The following ZNF83 variants were observed in gnomAD, a reference collection of about 807,000 sequenced individuals.
ZNF83 encodes the protein zinc finger protein 816B.
For synonymous variants in ZNF83, 209 were observed against 213.0 expected, an observed-to-expected ratio of 0.98 and a Z score of 0.17; for missense variants, 552 against 629.9, an observed-to-expected ratio of 0.88 and a Z score of 1.32.
chr19:52,645,846 AAGAGG>A lies in ZNF83; in HGVS notation c.-74+9710_-74+9714del, dbSNP rs1422398975. Among the ~76,000 whole-genome samples the A allele has an allele frequency of 2.0e-5, 3 of 149,256 alleles. No individual in the cohort carries two copies. The East Asian group carries it at 6.4e-4, about 32-fold the overall frequency. On this transcript the variant is annotated intron_variant, in intron 3 of 5. Coordinates refer to the ZNF83 transcript ENST00000594682. ...ATAAAGAAAGAAAAATAGAAAAATG[AAGAGG>A]AAACAGAAAAAAAAATAAAGTAAAT...
At chr19:52,683,528 A>ACCCTCTCTCTG (rs1216197668) in intron 1 of ZNF83, among the ~76,000 whole-genome samples, 2 of 82,686 alleles carry the variant, frequency 2.4e-5, no homozygotes, top group African/African-American at 7.5e-5. Context: ...ATCCAAAGGG[A>ACCCTCTCTCTG]AGGGCAAAGT....
exon 3 of ZNF83, chr19:52,613,921 T>C: frequency 6.2e-7 from 1 of 1,613,446 alleles, no homozygotes; most frequent in Admixed American, 1.7e-5. Context: ...TGAAATTTGA[T>C]GGAAGACCTT....
intron 2 of ZNF83, among the ~76,000 whole-genome samples, chr19:52,633,166 C>T (rs1378885803): frequency 6.6e-6 from 1 of 152,154 alleles, no homozygotes; most frequent in Non-Finnish European, 1.5e-5. Flanking sequence ...TCTCCTGGCT[C>T]ATCCTGGCTC....
At chr19:52,676,538 G>T (rs1312029640) in intron 1 of ZNF83, among the ~76,000 whole-genome samples, 1 of 151,900 alleles carries the variant, frequency 6.6e-6, no homozygotes, top group Admixed American at 6.6e-5. Context: ...GCCCCGTCTG[G>T]GAGGGAGGTG....
At chr19:52,637,374 G>A (rs531121703) in intron 1 of ZNF83, among the ~76,000 whole-genome samples, 21 of 151,854 alleles carry the variant, frequency 1.4e-4, no homozygotes, top group Non-Finnish European at 2.6e-4. Context: ...GCACCACTCT[G>A]CTCTGTCTGC....
intron 2 of ZNF83, 72 bp downstream of exon 2, chr19:52,634,994 G>A (rs1481636744): frequency 1.4e-6 from 1 of 716,458 alleles, no homozygotes; most frequent in African/African-American, 1.8e-5. Flanking sequence ...ACCCAGAGAA[G>A]ATTCCCAACT....
At chr19:52,665,781 CGTCTGGA>C (rs895814894) in intron 1 of ZNF83, among the ~76,000 whole-genome samples, 2 of 152,108 alleles carry the variant, frequency 1.3e-5, no homozygotes, top group Admixed American at 6.6e-5. Context: ...GGGCCTCATG[CGTCTGGA>C]GTAAGAACCC....
intron 1 of ZNF83, 195 bp from the exon 2 acceptor site, chr19:52,635,348 G>A (rs574103358): frequency 7.7e-5 from 26 of 337,562 alleles, no homozygotes; most frequent in Non-Finnish European, 1.3e-4. Context: ...CCTTCTGGAG[G>A]AGTCCACACA....
intron 2 of ZNF83, among the ~76,000 whole-genome samples, chr19:52,627,591 T>G (rs913481141): frequency 4.6e-5 from 7 of 152,050 alleles, no homozygotes; most frequent in African/African-American, 1.7e-4. Flanking sequence ...AGGCAGAAAT[T>G]GCAATGAGCT....
chr19:52,678,970 T>A (rs1033568918), intron 1 of ZNF83, among the ~76,000 whole-genome samples: 1 of 97,578 alleles, frequency 1.0e-5, no homozygotes, highest in Non-Finnish European at 2.1e-5. Context: ...CAAGACTCCA[T>A]CTCAAAAAAA....
rs1317258966 is a variant in ZNF83 at position 52,673,657 on chromosome 19, G to GT, written c.-282-12815dup. Reference sequence around the variant, plus strand: ...TGCAAATATTATCTTTTTGTTTTTTGTTTTTTCTGGAGACAGAGATCATGC... The same window carrying GT: ...TGCAAATATTATCTTTTTGTTTTTTGTTTTTTTCTGGAGACAGAGATCATGC... On this transcript the variant is annotated intron_variant, in intron 1 of 5. Transcript: ENST00000594682. Among the ~76,000 whole-genome samples, 6 of 152,112 alleles carry GT rather than the reference G, an allele frequency of 3.9e-5. No individual in the cohort carries two copies. The East Asian group carries it at 7.7e-4, about 20-fold the overall frequency.
chr19:52,685,897 CAAAAAAA>C (rs3055370), intron 1 of ZNF83, among the ~76,000 whole-genome samples: 5,625 of 132,576 alleles, frequency 0.042, 332 homozygotes, highest in African/African-American at 0.12. Flanking sequence ...GTAACTGTCA[CAAAAAAA>C]AAAAAAAAAA....
intron 3 of ZNF83, chr19:52,654,465 C>T (rs2061481500): frequency 1.5e-6 from 1 of 674,498 alleles, no homozygotes; most frequent in South Asian, 3.3e-5. Flanking sequence ...ATATTTAATA[C>T]TGAAATGTGT....
chr19:52,653,414 T>G, intron 3 of ZNF83: 1 of 860,710 alleles, frequency 1.2e-6, no homozygotes, highest in South Asian at 1.3e-5. Context: ...TTCTCTTCAG[T>G]ATGAACTCTG....
chr19:52,619,122 A>C, intron 2 of ZNF83: 3 of 1,612,502 alleles, frequency 1.9e-6, no homozygotes, highest in South Asian at 1.1e-5. Context: ...CTTTACAGAA[A>C]ATGAGGAGAG....
chr19:52,636,799 G>A (rs2061161431), intron 1 of ZNF83: 1 of 151,478 alleles, frequency 6.6e-6, no homozygotes, highest in Non-Finnish European at 1.5e-5. Flanking sequence ...GGGATTACAG[G>A]TGCACACTAT....
At chr19:52,683,766 T>C (rs1243106875) in intron 1 of ZNF83, among the ~76,000 whole-genome samples, 1 of 152,162 alleles carries the variant, frequency 6.6e-6, no homozygotes, top group Non-Finnish European at 1.5e-5. Flanking sequence ...AGTTGAAATT[T>C]CCAGAAGAAA....
intron 2 of ZNF83, among the ~76,000 whole-genome samples, chr19:52,632,509 C>G (rs529137138): frequency 1.3e-4 from 20 of 152,162 alleles, no homozygotes; most frequent in Admixed American, 3.3e-4. Context: ...AGTCATGCTC[C>G]TATTCACCCT....
At chr19:52,666,021 G>A (rs535061258) in intron 1 of ZNF83, among the ~76,000 whole-genome samples, 33 of 151,646 alleles carry the variant, frequency 2.2e-4, no homozygotes, top group African/African-American at 5.3e-4. Flanking sequence ...AAAATTAGCC[G>A]GGCATGGTGA....
Sources: allele counts gnomAD v4.1 joint callset (sites outside exome capture counted in the v4.1 genomes callset), GRCh38; gene constraint gnomAD v4.1.1; transcripts MANE v1.5; gene names NCBI Gene and HGNC (gene_info 2026-07-23, HGNC 2026-07-21).